Variants in POC1B observed in about 807,000 individuals in gnomAD.
POC1B encodes POC1 centriolar protein B.
Under a neutral mutation model 60.6 loss-of-function variants are expected in POC1B, and 44 were observed. That is an observed-to-expected ratio of 0.73 (90% CI 0.57 to 0.93). POC1B has a LOEUF of 0.93. Ranked by LOEUF, POC1B falls within the 40% of genes least tolerant of loss-of-function variation. The pLI, the probability that POC1B is intolerant of heterozygous loss-of-function variation, is 0.00. For synonymous variants in POC1B, 180 were observed against 198.9 expected (o/e 0.90, Z 0.80); for missense variants, 555 against 572.3 (o/e 0.97, Z 0.31).
At chr12:89,451,477 AGTTG>A (rs926993855) in intron 10 of POC1B, among the ~76,000 whole-genome samples, 2 of 149,726 alleles carry the variant, frequency 1.3e-5, no homozygotes, top group Admixed American at 6.7e-5. Context: ...TTAAGTGATG[AGTTG>A]GTTGGTTGGT....
At chr12:89,501,453 C>G (rs770659975) in intron 2 of POC1B, 173 of 964,310 alleles carry the variant, frequency 1.8e-4, no homozygotes, top group Middle Eastern at 6.2e-4. Context: ...CACATATTAC[C>G]CAAGACAAAT....
intron 9 of POC1B, among the ~76,000 whole-genome samples, chr12:89,466,281 GA>G (rs1381694641): frequency 6.6e-6 from 1 of 152,140 alleles, no homozygotes; most frequent in African/African-American, 2.4e-5. Flanking sequence ...CAGCTAAATA[GA>G]TAACTATATA....
At chr12:89,456,744 C>T (rs1882277812) in intron 10 of POC1B, among the ~76,000 whole-genome samples, 1 of 152,030 alleles carries the variant, frequency 6.6e-6, no homozygotes, top group African/African-American at 2.4e-5. Context: ...ATTAGAGACA[C>T]AAGTGCAAGC....
At chr12:89,425,542 T>A in intron 10 of POC1B, 163 bp from the exon 11 acceptor site, 1 of 519,912 alleles carries the variant, frequency 1.9e-6, no homozygotes, top group Non-Finnish European at 3.3e-6. Flanking sequence ...AATAAGGAAT[T>A]ATTATAATTC....
intron 2 of POC1B, chr12:89,524,582 C>T (rs1439127857): frequency 6.2e-7 from 1 of 1,607,094 alleles, no homozygotes; most frequent in Non-Finnish European, 8.5e-7. Flanking sequence ...CAGACGCGGC[C>T]ACCAAGCCAC....
rs979316195 is a variant in POC1B, at chr12:89,473,537, TG to T, written c.453-1263del. Among the ~76,000 whole-genome samples the T allele has an allele frequency of 4.9e-4, 75 of 152,062 alleles. 1 individual carries two copies. Among genetic ancestry groups the T allele is most frequent in the African/African-American group, 1.8e-3 (74 of 41,502 alleles). On this transcript the variant is annotated intron_variant, in intron 4 of 11. Transcript: ENST00000313546. ...ATAGCCAGGCATAGTGGCAGGTGCCTGTAATCCCAGCTACTCAGGAGGCTGA... is the reference window on the plus strand; with the variant it reads ...ATAGCCAGGCATAGTGGCAGGTGCCTTAATCCCAGCTACTCAGGAGGCTGA...
At chr12:89,477,778 C>A (rs546896080) in intron 4 of POC1B, among the ~76,000 whole-genome samples, 2 of 152,068 alleles carry the variant, frequency 1.3e-5, no homozygotes, top group South Asian at 4.2e-4. Context: ...GGTGGTTTCA[C>A]GTTTCCTTTG....
chr12:89,507,501 A>C (rs1441919669), intron 2 of POC1B, among the ~76,000 whole-genome samples: 1 of 152,222 alleles, frequency 6.6e-6, no homozygotes, highest in Non-Finnish European at 1.5e-5. Flanking sequence ...AAAATGTCAA[A>C]GCTTGTACCA....
intron 2 of POC1B, among the ~76,000 whole-genome samples, chr12:89,503,271 C>T (rs1048368167): frequency 2.6e-5 from 4 of 152,346 alleles, no homozygotes; most frequent in South Asian, 2.1e-4. Flanking sequence ...CGCGCCGCCA[C>T]GCCTGACTGG....
At chr12:89,488,155 C>T (rs1349163264) in intron 4 of POC1B, among the ~76,000 whole-genome samples, 2 of 110,520 alleles carry the variant, frequency 1.8e-5, no homozygotes, top group Non-Finnish European at 3.9e-5. Flanking sequence ...ATAGATGATT[C>T]AATACAACGA....
intron 2 of POC1B, chr12:89,522,991 T>G (rs779163655): frequency 6.8e-6 from 11 of 1,613,868 alleles, no homozygotes; most frequent in African/African-American, 1.3e-5. Context: ...GAACCCATCT[T>G]TGGGACAATT....
intron 2 of POC1B, among the ~76,000 whole-genome samples, chr12:89,503,120 C>T (rs10858885): frequency 0.2 from 29,360 of 148,604 alleles, 3,265 homozygotes; most frequent in South Asian, 0.37. Flanking sequence ...TCTCTCCCCA[C>T]GGTCTCCCTC....
At chr12:89,524,731 C>A (rs1004417372) in intron 2 of POC1B, 4 of 672,392 alleles carry the variant, frequency 5.9e-6, no homozygotes, top group Non-Finnish European at 1.0e-5. Context: ...GGTCCTCGGC[C>A]TCCGGCACAG....
chr12:89,446,230 T>G (rs894526821), intron 10 of POC1B, among the ~76,000 whole-genome samples: 2 of 152,182 alleles, frequency 1.3e-5, no homozygotes, highest in Non-Finnish European at 2.9e-5. Context: ...GAAATACCAT[T>G]TGACCCAGCC....
chr12:89,423,086 C>G (rs1880610066), intron 11 of POC1B, among the ~76,000 whole-genome samples: 1 of 152,116 alleles, frequency 6.6e-6, no homozygotes, highest in African/African-American at 2.4e-5. Flanking sequence ...CTCCCTGCAA[C>G]CTCTGCCTCG....
At chr12:89,525,265 G>C in intron 1 of POC1B, 61 bp from the exon 2 acceptor site, 5 of 1,552,072 alleles carry the variant, frequency 3.2e-6, no homozygotes, top group Non-Finnish European at 4.4e-6. Flanking sequence ...TGGCGGCTGG[G>C]ATCCACGCTG....
chr12:89,432,010 T>C (rs1881052107), intron 10 of POC1B, among the ~76,000 whole-genome samples: 2 of 152,262 alleles, frequency 1.3e-5, no homozygotes, highest in African/African-American at 4.8e-5. Context: ...CTAATTCTCA[T>C]GAATCCCTCT....
At chr12:89,473,611 C>T (rs1025481151) in intron 4 of POC1B, among the ~76,000 whole-genome samples, 8 of 135,818 alleles carry the variant, frequency 5.9e-5, no homozygotes, top group Admixed American at 1.7e-4. Context: ...CAGTAAGCTG[C>T]GATTGTGCCA....
chr12:89,403,164 C>T, the POC1B span, among the ~76,000 whole-genome samples: 3 of 151,760 alleles, frequency 2.0e-5, no homozygotes, highest in Non-Finnish European at 4.4e-5. Context: ...CCCGCCACCA[C>T]ACCCAGCTAA....
Sources: gnomAD v4.1 joint callset for allele counts (sites outside exome capture counted in the v4.1 genomes callset) on GRCh38, gnomAD v4.1.1 for gene constraint, MANE v1.5 for transcripts, NCBI Gene and HGNC (gene_info 2026-07-23, HGNC 2026-07-21) for gene names.